Variants in ACVR1 observed in about 807,000 individuals in gnomAD.
The protein encoded by ACVR1 is activin receptor type-1.
In ACVR1, 38 loss-of-function variants were observed where a neutral mutation model predicts 57.1. The ratio of observed to expected loss-of-function variants is 0.67; its 90% confidence interval spans 0.51 to 0.87. ACVR1 has a LOEUF of 0.87. Ranked by LOEUF, ACVR1 falls within the 40% of genes least tolerant of loss-of-function variation. The pLI is 0.00. For missense variants in ACVR1, 463 were observed against 638.2 expected, an observed-to-expected ratio of 0.73 and a Z score of 2.96; for synonymous variants, 212 against 228.1, an observed-to-expected ratio of 0.93 and a Z score of 0.63.
At chr2:157,873,060 C>CA (rs1344025973) in intron 1 of ACVR1, among the ~76,000 whole-genome samples, 1 of 152,060 alleles carries the variant, frequency 6.6e-6, no homozygotes, top group Non-Finnish European at 1.5e-5. Context: ...AATTTCCTCT[C>CA]AAAAAAATGA....
At chr2:157,768,186 A>G (rs1172543832) in intron 7 of ACVR1, among the ~76,000 whole-genome samples, 1 of 152,170 alleles carries the variant, frequency 6.6e-6, no homozygotes, top group African/African-American at 2.4e-5. Flanking sequence ...TCCCATGGCC[A>G]GCCCTGAGTC....
At chr2:157,868,123 T>C (rs745954591) in intron 1 of ACVR1, among the ~76,000 whole-genome samples, 38 of 152,156 alleles carry the variant, frequency 2.5e-4, no homozygotes, top group Non-Finnish European at 1.3e-4. Context: ...CTTTCGGTTG[T>C]CTAAGGTCTC....
intron 3 of ACVR1, among the ~76,000 whole-genome samples, chr2:157,792,500 C>G (rs1686955075): frequency 6.6e-6 from 1 of 152,128 alleles, no homozygotes; most frequent in African/African-American, 2.4e-5. Context: ...GGTTCTAGAC[C>G]AGCTTTGTTG....
intron 1 of ACVR1, among the ~76,000 whole-genome samples, chr2:157,849,408 C>A (rs1458753207): frequency 6.6e-6 from 1 of 152,134 alleles, no homozygotes; most frequent in East Asian, 1.9e-4. Flanking sequence ...CAATAGTGTT[C>A]ATTCACTATT....
chr2:157,827,496 T>TC (rs1688428431), intron 1 of ACVR1, among the ~76,000 whole-genome samples: 1 of 152,198 alleles, frequency 6.6e-6, no homozygotes, highest in South Asian at 2.1e-4. Context: ...TGTTTGCCAG[T>TC]CCTGTAATGA....
At chr2:157,794,479 C>G (rs1371950496) in intron 3 of ACVR1, among the ~76,000 whole-genome samples, 5 of 151,908 alleles carry the variant, frequency 3.3e-5, no homozygotes, top group Non-Finnish European at 7.4e-5. Context: ...TAGCATGCAC[C>G]AGACATAATA....
At chr2:157,737,841 C>T (rs1684595431) in intron 10 of ACVR1, among the ~76,000 whole-genome samples, 176 bp from the exon 11 acceptor site, 1 of 152,170 alleles carries the variant, frequency 6.6e-6, no homozygotes, top group South Asian at 2.1e-4. Context: ...ATAAAGAGGC[C>T]ATTCTTAGAA....
intron 2 of ACVR1, among the ~76,000 whole-genome samples, chr2:157,801,869 C>T (rs1366677026): frequency 2.0e-5 from 3 of 152,144 alleles, no homozygotes; most frequent in Non-Finnish European, 1.5e-5. Context: ...TCTGAATTCC[C>T]AGTCCTTCAT....
At chr2:157,819,556 C>A (rs574059491) in intron 1 of ACVR1, 2 of 151,640 alleles carry the variant, frequency 1.3e-5, no homozygotes, top group Non-Finnish European at 2.9e-5. Context: ...GTCTTTCTCC[C>A]GTTCCAAGAT....
intron 1 of ACVR1, among the ~76,000 whole-genome samples, chr2:157,867,015 A>AT (rs573403852): frequency 6.6e-6 from 1 of 152,034 alleles, no homozygotes. Context: ...TTTCAGTTCC[A>AT]TTTTCCCAGC....
Position 157,799,416 on chromosome 2 carries a change from G to A in ACVR1, c.67+11C>T. 1 of 1,603,772 alleles carries A rather than the reference G, an allele frequency of 6.2e-7. No homozygotes were observed. On this transcript the variant is annotated intron_variant, in intron 3 of 10. Coordinates refer to ENST00000434821, the MANE Select transcript of ACVR1 (RefSeq NM_001111067.4). ...TACTTATCTTAACCCAAAAAGATGT[G>A]AGTCACTTACCTTCCATACTAGGGG... is the stretch of plus-strand genomic sequence containing the variant.
intron 4 of ACVR1, 60 bp downstream of exon 4, chr2:157,780,277 C>T (rs753457841): frequency 1.8e-4 from 290 of 1,610,432 alleles, no homozygotes; most frequent in Middle Eastern, 8.8e-4. Context: ...TTAACCCACA[C>T]GGACCCAGGA....
chr2:157,795,232 AT>A lies in ACVR1; in HGVS notation c.67+4194del, dbSNP rs1375302504. On this transcript the variant is annotated intron_variant, in intron 3 of 10. Coordinates refer to ENST00000434821, the MANE Select transcript of ACVR1 (RefSeq NM_001111067.4). ...ACAGATTTCTGTTATCGGCCCCATT[AT>A]TTATCTCTTTTGGATTAAGTATTAG... Among the ~76,000 whole-genome samples the A allele has an allele frequency of 1.1e-4, 17 of 152,194 alleles. No homozygotes were observed. The East Asian group carries it at 2.1e-3, about 19-fold the overall frequency.
chr2:157,774,213 G>T (rs1186948161), intron 5 of ACVR1, 26 bp from the exon 6 acceptor site: 4 of 1,589,328 alleles, frequency 2.5e-6, no homozygotes, highest in East Asian at 4.5e-5. Flanking sequence ...AGGGGGAAAA[G>T]AAACGATTGA....
intron 3 of ACVR1, among the ~76,000 whole-genome samples, chr2:157,791,899 C>T (rs904536509): frequency 9.9e-5 from 15 of 152,152 alleles, no homozygotes; most frequent in African/African-American, 4.8e-5. Context: ...ACATGGCATG[C>T]TACAGTATTA....
At chr2:157,848,150 C>T (rs918083321) in intron 1 of ACVR1, among the ~76,000 whole-genome samples, 5 of 152,092 alleles carry the variant, frequency 3.3e-5, no homozygotes, top group Admixed American at 6.5e-5. Flanking sequence ...AAAATGGCCC[C>T]CAAATTCTTT....
At chr2:157,813,655 G>T (rs951845003) in intron 2 of ACVR1, among the ~76,000 whole-genome samples, 1 of 152,154 alleles carries the variant, frequency 6.6e-6, no homozygotes, top group African/African-American at 2.4e-5. Context: ...TAGAACCACA[G>T]GACAGAAGGA....
intron 6 of ACVR1, among the ~76,000 whole-genome samples, chr2:157,770,758 T>C (rs1686044471): frequency 6.6e-6 from 1 of 152,190 alleles, no homozygotes; most frequent in African/African-American, 2.4e-5. Context: ...CAAACTGCCT[T>C]CTGTATCTGC....
intron 3 of ACVR1, among the ~76,000 whole-genome samples, chr2:157,786,095 C>CA (rs1686701644): frequency 6.6e-6 from 1 of 152,190 alleles, no homozygotes. Context: ...AACACCTCTC[C>CA]ACCTAGTCAG....
Sources: gnomAD v4.1 joint callset for allele counts (sites outside exome capture counted in the v4.1 genomes callset) on GRCh38, gnomAD v4.1.1 for gene constraint, MANE v1.5 for transcripts, NCBI Gene and HGNC (gene_info 2026-07-23, HGNC 2026-07-21) for gene names.